The following TTC39B variants were observed in gnomAD, a reference collection of about 807,000 sequenced individuals.
The protein encoded by TTC39B is tetratricopeptide repeat domain 39B.
TTC39B carries 92 observed loss-of-function variants against 96.6 expected under a neutral mutation model. That is an observed-to-expected ratio of 0.95 (90% CI 0.80 to 1.13). The LOEUF is 1.13. TTC39B is among the 50% of genes most tolerant of loss of function. TTC39B has a pLI of 0.00. For synonymous variants in TTC39B, 367 were observed against 299.4 expected (o/e 1.23, Z -2.33); for missense variants, 955 against 809.3 (o/e 1.18, Z -2.18).
chr9:15,220,239 C>A (rs994273449), intron 3 of TTC39B, among the ~76,000 whole-genome samples: 1 of 152,138 alleles, frequency 6.6e-6, no homozygotes, highest in Non-Finnish European at 1.5e-5. Flanking sequence ...CTCAAGAGCT[C>A]CATGGCAAGA....
intron 6 of TTC39B, among the ~76,000 whole-genome samples, chr9:15,204,497 C>A (rs1368053340): frequency 1.3e-5 from 2 of 151,694 alleles, no homozygotes; most frequent in South Asian, 2.1e-4. Flanking sequence ...CCATTGCACT[C>A]CAGCCCGGGC....
intron 3 of TTC39B, among the ~76,000 whole-genome samples, chr9:15,216,976 G>A (rs528883353): frequency 6.6e-6 from 1 of 152,276 alleles, no homozygotes; most frequent in Admixed American, 6.5e-5. Flanking sequence ...ACATTACTGA[G>A]GATGGTCAGG....
intron 3 of TTC39B, among the ~76,000 whole-genome samples, chr9:15,216,905 G>C (rs1306825298): frequency 6.6e-6 from 1 of 152,184 alleles, no homozygotes; most frequent in Non-Finnish European, 1.5e-5. Flanking sequence ...TCCCTGATTG[G>C]GATAAGTGGT....
Position 15,193,735 on chromosome 9 carries a change from T to C in TTC39B, c.825-1040A>G, listed in dbSNP as rs149918239. ...GCCATAGTTAAAAGGCCTTTGAAACTGACATCATGTACCTAATGATATCAT... is the reference window on the plus strand; with the variant it reads ...GCCATAGTTAAAAGGCCTTTGAAACCGACATCATGTACCTAATGATATCAT... On this transcript the variant is annotated intron_variant, in intron 8 of 19. Coordinates refer to ENST00000512701, the Ensembl canonical transcript of TTC39B. Among the ~76,000 whole-genome samples, 38 of 152,358 alleles carry C rather than the reference T, an allele frequency of 2.5e-4. 1 individual carries two copies. Among genetic ancestry groups the C allele is most frequent in the East Asian group, 2.3e-3 (12 of 5,192 alleles).
intron 6 of TTC39B, among the ~76,000 whole-genome samples, chr9:15,206,757 A>C (rs1378280961): frequency 6.6e-6 from 1 of 151,910 alleles, no homozygotes; most frequent in Non-Finnish European, 1.5e-5. Context: ...TATTTTTTTT[A>C]TTTATGTAGA....
At chr9:15,205,128 G>A (rs1016261107) in intron 6 of TTC39B, among the ~76,000 whole-genome samples, 2 of 152,076 alleles carry the variant, frequency 1.3e-5, no homozygotes, top group East Asian at 1.9e-4. Flanking sequence ...CACTAACGCC[G>A]CCTCTAGTTC....
chr9:15,176,046 G>C (rs149863245), intron 18 of TTC39B, among the ~76,000 whole-genome samples: 2 of 152,184 alleles, frequency 1.3e-5, no homozygotes, highest in Non-Finnish European at 2.9e-5. Context: ...CATTGAATGT[G>C]CAATTCAAAT....
In TTC39B at chr9:15,243,601, C is replaced by T. The variant is rs532251992; in HGVS notation, c.276-17589G>A. On this transcript the variant is annotated intron_variant, in intron 2 of 19. Transcript: ENST00000512701. ...CCTGGCTTTAACTTCATGTCAAAGA[C>T]GCTACTCACTAAGAAAATGGAAAGC... 3.3e-5 allele frequency among the ~76,000 whole-genome samples: 5 copies of T among 152,280 alleles called. No homozygotes were observed. In the South Asian group the frequency reaches 8.3e-4, roughly 25 times the overall value.
chr9:15,290,347 C>T (rs1355702533), intron 1 of TTC39B, among the ~76,000 whole-genome samples: 1 of 152,138 alleles, frequency 6.6e-6, no homozygotes, highest in African/African-American at 2.4e-5. Context: ...ACAAAAACTT[C>T]CTCCCTTCTG....
At chr9:15,285,979 C>G (rs1587009873) in intron 1 of TTC39B, among the ~76,000 whole-genome samples, 1 of 152,198 alleles carries the variant, frequency 6.6e-6, no homozygotes, top group Non-Finnish European at 1.5e-5. Context: ...CCCTTCCTAT[C>G]GATCAATCAA....
chr9:15,245,808 T>C (rs573969544), intron 2 of TTC39B, among the ~76,000 whole-genome samples: 20 of 152,210 alleles, frequency 1.3e-4, no homozygotes, highest in Non-Finnish European at 2.5e-4. Context: ...TCCACATCTG[T>C]AGACTGACGA....
chr9:15,261,767 T>C (rs959122766), intron 2 of TTC39B, among the ~76,000 whole-genome samples: 8 of 152,196 alleles, frequency 5.3e-5, no homozygotes, highest in African/African-American at 9.7e-5. Flanking sequence ...AGCTTTCTTT[T>C]GGAATTCCCA....
At chr9:15,250,684 C>T (rs1389459829) in intron 2 of TTC39B, among the ~76,000 whole-genome samples, 1 of 152,110 alleles carries the variant, frequency 6.6e-6, no homozygotes, top group African/African-American at 2.4e-5. Flanking sequence ...TTTGATGAAA[C>T]TAGAAGATAG....
chr9:15,229,094 T>C (rs985360141), intron 2 of TTC39B, among the ~76,000 whole-genome samples: 12 of 152,264 alleles, frequency 7.9e-5, no homozygotes, highest in Non-Finnish European at 1.3e-4. Flanking sequence ...AAGTACTGTC[T>C]AGTGTTTTAA....
intron 1 of TTC39B, among the ~76,000 whole-genome samples, chr9:15,305,352 G>C (rs781130743): frequency 6.6e-6 from 1 of 152,144 alleles, no homozygotes; most frequent in Admixed American, 6.6e-5. Context: ...CTCAATAAAC[G>C]CTTGCTCAGT....
At chr9:15,198,755 C>G (rs2131297473) in intron 8 of TTC39B, among the ~76,000 whole-genome samples, 1 of 151,928 alleles carries the variant, frequency 6.6e-6, no homozygotes, top group Non-Finnish European at 1.5e-5. Flanking sequence ...TGCAAACATT[C>G]AACTGCCCAG....
intron 2 of TTC39B, among the ~76,000 whole-genome samples, chr9:15,255,993 T>C (rs1236429821): frequency 6.6e-6 from 1 of 152,198 alleles, no homozygotes; most frequent in African/African-American, 2.4e-5. Flanking sequence ...TCCACCTATA[T>C]TTTCTTAATA....
intron 8 of TTC39B, among the ~76,000 whole-genome samples, chr9:15,194,591 G>C (rs1819046530): frequency 6.6e-6 from 1 of 152,152 alleles, no homozygotes; most frequent in Non-Finnish European, 1.5e-5. Flanking sequence ...ACAAATTGAA[G>C]ATTTGTGGCA....
chr9:15,166,985 TA>T (rs57831399), exon 20 of TTC39B: 59 of 4,806 alleles, frequency 0.012, no homozygotes, highest in African/African-American at 0.029. Flanking sequence ...CTTTATTTTA[TA>T]TATATATATA....
Sources: gnomAD v4.1 joint callset for allele counts (sites outside exome capture counted in the v4.1 genomes callset) on GRCh38, gnomAD v4.1.1 for gene constraint, MANE v1.5 for transcripts, NCBI Gene and HGNC (gene_info 2026-07-23, HGNC 2026-07-21) for gene names.